SLC9C2: variants seen among roughly 807,000 people sequenced by gnomAD.
SLC9C2 encodes the protein sodium/hydrogen exchanger 11.
In SLC9C2, 75 loss-of-function variants were observed where a neutral mutation model predicts 140.2. That is an observed-to-expected ratio of 0.53 (90% confidence interval 0.44 to 0.65). The LOEUF is 0.65. SLC9C2 is among the 30% of genes least tolerant of loss of function. SLC9C2 has a pLI of 0.00. For synonymous variants in SLC9C2, 375 were observed against 420.9 expected (o/e 0.89, Z 1.34); for missense variants, 1,074 against 1,331.8 (o/e 0.81, Z 3.01).
chr1:173,525,050 A>G (rs1333802955), intron 19 of SLC9C2, 123 bp from the exon 20 acceptor site: 1 of 1,062,302 alleles, frequency 9.4e-7, no homozygotes, highest in African/African-American at 1.6e-5. Flanking sequence ...AGTTTCATGC[A>G]GAACTCATGA....
rs117188720 is a variant in SLC9C2 at position 173,550,237 on chromosome 1, A to G, written c.1298-1685T>C. ...GGCAATATAGCCAGACCCTGTTTCTACTAAAAAAGAAAAAAAATGAGCTGG... is the reference window on the plus strand; with the variant it reads ...GGCAATATAGCCAGACCCTGTTTCTGCTAAAAAAGAAAAAAAATGAGCTGG... On this transcript the variant is annotated intron_variant, in intron 11 of 27. Transcript: ENST00000367714. Among the ~76,000 whole-genome samples, 48 of 152,050 alleles carry G rather than the reference A, an allele frequency of 3.2e-4. No individual in the cohort carries two copies. The East Asian group carries it at 8.9e-3, about 28-fold the overall frequency.
chr1:173,575,768 T>A (rs1482644870), intron 8 of SLC9C2, among the ~76,000 whole-genome samples: 1 of 151,876 alleles, frequency 6.6e-6, no homozygotes, highest in African/African-American at 2.4e-5. Flanking sequence ...TTAGTAGAGA[T>A]GTGGCTTCAC....
Position 173,529,893 on chromosome 1 carries a change from CT to C in SLC9C2, c.2313+11del. The C allele has an allele frequency of 1.2e-6, 2 of 1,601,938 alleles. No individual in the cohort carries two copies. Among genetic ancestry groups the C allele is most frequent in the Non-Finnish European group, 1.7e-6 (2 of 1,176,946 alleles). On this transcript the variant is annotated intron_variant, in intron 18 of 27. Transcript: ENST00000367714. ...GGTTTTTCTCCCCAAATGACCAGTG[CT>C]TGTTTCTCACCTGATATATTGATTC...
At chr1:173,593,326 C>T (rs145794266) in intron 4 of SLC9C2, among the ~76,000 whole-genome samples, 64 of 152,228 alleles carry the variant, frequency 4.2e-4, no homozygotes, top group African/African-American at 1.4e-3. Flanking sequence ...TTGAGACCAG[C>T]CTGGCCAACA....
intron 22 of SLC9C2, among the ~76,000 whole-genome samples, chr1:173,520,378 G>T (rs371315479): frequency 6.6e-6 from 1 of 151,938 alleles, no homozygotes; most frequent in Non-Finnish European, 1.5e-5. Context: ...TGCCTTTCTC[G>T]ACTACCTTTT....
chr1:173,559,089 T>C (rs962559307), intron 9 of SLC9C2, among the ~76,000 whole-genome samples: 1 of 152,212 alleles, frequency 6.6e-6, no homozygotes, highest in African/African-American at 2.4e-5. Flanking sequence ...GCTAAAGCCA[T>C]GTTTCTTTCT....
chr1:173,511,611 G>A (rs375258783), intron 23 of SLC9C2, among the ~76,000 whole-genome samples: 3 of 152,250 alleles, frequency 2.0e-5, no homozygotes, highest in African/African-American at 4.8e-5. Flanking sequence ...TAGGCTGCCT[G>A]TTCACTCTAA....
intron 4 of SLC9C2, among the ~76,000 whole-genome samples, chr1:173,595,894 C>T (rs1490637746): frequency 1.3e-5 from 2 of 152,100 alleles, no homozygotes; most frequent in South Asian, 2.1e-4. Context: ...AAAACAGATA[C>T]ATCACTCCCA....
At chr1:173,542,105 C>A (rs934862624) in intron 13 of SLC9C2, among the ~76,000 whole-genome samples, 1 of 152,024 alleles carries the variant, frequency 6.6e-6, no homozygotes, top group Non-Finnish European at 1.5e-5. Flanking sequence ...AATTGATAGA[C>A]CGCTAGCAAG....
intron 23 of SLC9C2, among the ~76,000 whole-genome samples, chr1:173,511,785 G>A (rs1450881625): frequency 6.6e-6 from 1 of 152,128 alleles, no homozygotes; most frequent in African/African-American, 2.4e-5. Context: ...ATGATTTTGG[G>A]TTTTACATGT....
chr1:173,589,537 G>A (rs935184117), intron 4 of SLC9C2, among the ~76,000 whole-genome samples: 1 of 152,082 alleles, frequency 6.6e-6, no homozygotes, highest in South Asian at 2.1e-4. Flanking sequence ...TCTATCCTGG[G>A]TGACAGAGCT....
chr1:173,557,445 T>C lies in SLC9C2; in HGVS notation c.1110A>G (p.Arg370=), dbSNP rs1051084057. The part of the protein sequence containing the change: ...LMHSNYEYNW[R]WGVVITWSGI... ...CAGACCACGTGATTACAACTCCCCA[T>C]CGCCAATTATATTCATAATTTGAAT... is the stretch of plus-strand genomic sequence containing the variant. Residue 370 remains arginine, a synonymous_variant, in exon 10 of 28, where the codon CGA becomes CGG. Coordinates refer to ENST00000367714, the MANE Select transcript of SLC9C2 (RefSeq NM_178527.4). 6.2e-6 allele frequency: 10 copies of C among 1,613,862 alleles called. No homozygotes were observed. Among genetic ancestry groups the C allele is most frequent in the Non-Finnish European group, 8.5e-6 (10 of 1,179,822 alleles).
rs1409590337 is a variant in SLC9C2, at chr1:173,535,682, GAAGAA to G, written c.1775+143_1775+147del. Reference sequence around the variant, plus strand: ...TCAATGAAGTTGCTAAAATAGAATGGAAGAAGAGAAGCAAGCACCACCCAATCAGT... The same window carrying G: ...TCAATGAAGTTGCTAAAATAGAATGGGAGAAGCAAGCACCACCCAATCAGT... On this transcript the variant is annotated intron_variant, in intron 15 of 27. Coordinates refer to ENST00000367714, the MANE Select transcript of SLC9C2 (RefSeq NM_178527.4). 7.3e-6 allele frequency: 7 copies of G among 952,974 alleles called. No individual in the cohort carries two copies. The Admixed American group carries it at 1.5e-4, about 21-fold the overall frequency. 59.0% of individuals were successfully genotyped at this position (952,974 alleles called of 1,614,324 possible). A position where few individuals can be genotyped will look rare whatever the true frequency, so the allele number is the denominator to read the frequency against.
At position 173,535,875 on chromosome 1, in the gene SLC9C2, G is replaced by C; in HGVS notation, c.1730C>G (p.Thr577Ser). Reference protein sequence around the residue: ...SWLIKFKNVLTFLEYCIEKIH... With the variant: ...SWLIKFKNVLSFLEYCIEKIH... ...CTTTTCTATACAATATTCCAAGAAA[G>C]TTAAAACATTTTTAAACTTTATAAG... Residue 577 changes from threonine (T) to serine (S), a missense_variant, in exon 15 of 28, where the codon ACT (threonine) becomes AGT (serine). By Grantham distance (58) the Thr-to-Ser change is moderately conservative (BLOSUM62 1). Transcript: ENST00000367714. 1 of 1,513,372 alleles carries C rather than the reference G, an allele frequency of 6.6e-7. No individual in the cohort carries two copies. The highest frequency in any genetic ancestry group is 8.9e-7 in the Non-Finnish European group (1 of 1,125,614). 93.7% of individuals were successfully genotyped at this position (1,513,372 alleles called of 1,614,324 possible). A position where few individuals can be genotyped will look rare whatever the true frequency, so the allele number is the denominator to read the frequency against.
intron 6 of SLC9C2, among the ~76,000 whole-genome samples, chr1:173,582,664 C>T (rs1665615778): frequency 2.0e-5 from 3 of 152,170 alleles, no homozygotes; most frequent in African/African-American, 7.2e-5. Context: ...ATCAGAAAAA[C>T]ACATTTTCTC....
At chr1:173,576,439 T>C (rs572642991) in intron 8 of SLC9C2, among the ~76,000 whole-genome samples, 1 of 152,344 alleles carries the variant, frequency 6.6e-6, no homozygotes, top group South Asian at 2.1e-4. Context: ...AAAAACACCA[T>C]GGTTTCTGAG....
In SLC9C2 at chr1:173,576,637, C is replaced by G. The variant is rs747123854; in HGVS notation, c.902+24G>C. ...TGCACTAAACTGCTATGAGATCCATCGAAGGGCACGATAGGAAACTTACTT... is the reference window on the plus strand; with the variant it reads ...TGCACTAAACTGCTATGAGATCCATGGAAGGGCACGATAGGAAACTTACTT... On this transcript the variant is annotated intron_variant, in intron 8 of 27. Transcript: ENST00000367714. 1.1e-5 allele frequency: 17 copies of G among 1,496,752 alleles called. No homozygotes were observed. The East Asian group carries it at 2.7e-4, about 24-fold the overall frequency. The allele number at this position is 1,496,752 out of a possible 1,614,324, so 92.7% of individuals were successfully genotyped here. A position where few individuals can be genotyped will look rare whatever the true frequency, so the allele number is the denominator to read the frequency against.
At chr1:173,508,278 G>T (rs1369779904) in intron 24 of SLC9C2, among the ~76,000 whole-genome samples, 1 of 151,618 alleles carries the variant, frequency 6.6e-6, no homozygotes, top group Non-Finnish European at 1.5e-5. Context: ...GAAAAAAAAA[G>T]AAAGAAACTA....
chr1:173,562,045 T>C (rs1411335147), intron 9 of SLC9C2, among the ~76,000 whole-genome samples: 1 of 152,168 alleles, frequency 6.6e-6, no homozygotes, highest in African/African-American at 2.4e-5. Flanking sequence ...TTTTGAGTAC[T>C]AAAAATCTGG....
Sources: allele counts gnomAD v4.1 joint callset (sites outside exome capture counted in the v4.1 genomes callset), GRCh38; gene constraint gnomAD v4.1.1; transcripts MANE v1.5; gene names NCBI Gene and HGNC (gene_info 2026-07-23, HGNC 2026-07-21).